Variants in SLC25A53 observed in about 807,000 individuals in gnomAD.
SLC25A53 encodes mitochondrial carrier triple repeat protein 6.
A neutral mutation model predicts 15.0 loss-of-function variants in SLC25A53; 5 were observed. That is an observed-to-expected ratio of 0.33 (90% CI 0.17 to 0.70). SLC25A53 has a LOEUF of 0.70. SLC25A53 is among the 30% of genes least tolerant of loss of function. The pLI is 0.67. For synonymous variants in SLC25A53, 95 were observed against 100.0 expected, an observed-to-expected ratio of 0.95 and a Z score of 0.30; for missense variants, 216 against 241.6, an observed-to-expected ratio of 0.89 and a Z score of 0.70.
intron 1 of SLC25A53, among the ~76,000 whole-genome samples, chrX:104,138,054 C>T (rs981308317): frequency 2.7e-5 from 3 of 111,922 alleles, no homozygotes; most frequent in Admixed American, 9.5e-5. Flanking sequence ...CACACTCACA[C>T]GGTTTTTAGG....
At chrX:104,106,243 A>T (rs2075309306) in intron 1 of SLC25A53, among the ~76,000 whole-genome samples, 1 of 111,547 alleles carries the variant, frequency 9.0e-6, no homozygotes, top group African/African-American at 3.3e-5. Context: ...GCCAGGAAGC[A>T]GATGGCTAGT....
intron 1 of SLC25A53, chrX:104,130,505 C>A (rs1395354957): frequency 2.7e-5 from 3 of 111,209 alleles, no homozygotes; most frequent in Non-Finnish European, 5.7e-5. Flanking sequence ...TTCATATATT[C>A]TCTCGACTCT....
intron 1 of SLC25A53, among the ~76,000 whole-genome samples, chrX:104,107,380 C>A (rs1318397943): frequency 8.9e-6 from 1 of 111,913 alleles, no homozygotes; most frequent in African/African-American, 3.3e-5. Context: ...GCCTCTGACC[C>A]TTTAGCTGAG....
At chrX:104,153,246 G>GTA (rs796336204) in intron 1 of SLC25A53, among the ~76,000 whole-genome samples, 260 of 81,918 alleles carry the variant, frequency 3.2e-3, no homozygotes, top group Admixed American at 4.8e-3. Flanking sequence ...TAGAGTGTGT[G>GTA]TATATATATA....
Position 104,100,321 on chromosome X carries a change from T to G in SLC25A53, c.*4013A>C, listed in dbSNP as rs1219100401. 2 of 111,880 alleles carry G rather than the reference T, an allele frequency of 1.8e-5. No homozygotes were observed. Among genetic ancestry groups the G allele is most frequent in the East Asian group, 5.6e-4 (2 of 3,592 alleles). 9.2% of individuals were successfully genotyped at this position (111,880 alleles called of 1,213,427 possible). A position where few individuals can be genotyped will look rare whatever the true frequency, so the allele number is the denominator to read the frequency against. Reference sequence around the variant, plus strand: ...ATGGCTTTTTATTCTTTTTTTTGACTTTTTATACCAAGTAATTTTAGTGTT... The same window carrying G: ...ATGGCTTTTTATTCTTTTTTTTGACGTTTTATACCAAGTAATTTTAGTGTT... On this transcript the variant is annotated 3_prime_UTR_variant, in exon 2 of 2. Transcript: ENST00000594199.
intron 1 of SLC25A53, among the ~76,000 whole-genome samples, chrX:104,153,885 C>A (rs940772647): frequency 1.8e-5 from 2 of 112,129 alleles, no homozygotes; most frequent in Non-Finnish European, 3.8e-5. Flanking sequence ...GACCATAACA[C>A]TACAAGAAGA....
intron 1 of SLC25A53, among the ~76,000 whole-genome samples, chrX:104,145,518 A>C (rs1556368527): frequency 8.9e-6 from 1 of 111,960 alleles, no homozygotes; most frequent in Non-Finnish European, 1.9e-5. Flanking sequence ...CAATGAACCC[A>C]GGAGCTGGTT....
chrX:104,115,248 G>T (rs1556361025), intron 1 of SLC25A53: 5 of 1,200,857 alleles, frequency 4.2e-6, no homozygotes, highest in Non-Finnish European at 1.1e-6. Context: ...TCATCACCCT[G>T]CAGGAGCTGA....
intron 1 of SLC25A53, among the ~76,000 whole-genome samples, chrX:104,117,862 G>C (rs929838129): frequency 2.9e-4 from 33 of 112,179 alleles, no homozygotes; most frequent in African/African-American, 8.8e-4. Flanking sequence ...GTGAAAAGAG[G>C]AATAAATGCT....
intron 1 of SLC25A53, among the ~76,000 whole-genome samples, chrX:104,155,159 T>TA (rs1556371154): frequency 9.1e-6 from 1 of 110,034 alleles, no homozygotes; most frequent in Non-Finnish European, 1.9e-5. Flanking sequence ...CTAGGGGAGA[T>TA]ATTCTTTTTT....
rs539051426 is a variant in SLC25A53, at chrX:104,103,138, C to CAA, written c.*1194_*1195dup. Reference sequence around the variant, plus strand: ...GGGCAACAAGAGCGAAACTCCGTCTCAAAAAAAAAAAAAAGAAAGGGGCAT... The same window carrying CAA: ...GGGCAACAAGAGCGAAACTCCGTCTCAAAAAAAAAAAAAAAAGAAAGGGGCAT... On this transcript the variant is annotated 3_prime_UTR_variant, in exon 2 of 2. Coordinates refer to ENST00000594199, the MANE Select transcript of SLC25A53 (RefSeq NM_001012755.5). The CAA allele has an allele frequency of 4.2e-3, 302 of 71,469 alleles. 2 individuals carry two copies. Among genetic ancestry groups the CAA allele is most frequent in the African/African-American group, 0.014 (271 of 19,256 alleles). The allele number at this position is 71,469 out of a possible 1,213,427, so 5.9% of individuals were successfully genotyped here.
At chrX:104,125,222 T>C (rs1465756629) in intron 1 of SLC25A53, among the ~76,000 whole-genome samples, 1 of 50,984 alleles carries the variant, frequency 2.0e-5, no homozygotes, top group Non-Finnish European at 4.9e-5. Context: ...TGGTCTGGGG[T>C]GTGTTCTTCG....
In SLC25A53 at chrX:104,107,051, G is replaced by T. The variant is rs1371883897; in HGVS notation, c.-31-1763C>A. Among the ~76,000 whole-genome samples, 7 of 87,059 alleles carry T rather than the reference G, an allele frequency of 8.0e-5. No homozygotes were observed. In the Admixed American group the frequency reaches 1.1e-3, roughly 13 times the overall value. The allele number at this position is 87,059 out of a possible 115,157, so 75.6% of individuals were successfully genotyped here. A position where few individuals can be genotyped will look rare whatever the true frequency, so the allele number is the denominator to read the frequency against. ...CCCACGATCTCATTCTATCCCCCCT[G>T]CTCCATCCATATCCCACAGTCTCAT... On this transcript the variant is annotated intron_variant, in intron 1 of 1. Transcript: ENST00000594199.
At chrX:104,110,987 C>T (rs782597186) in intron 1 of SLC25A53, among the ~76,000 whole-genome samples, 4 of 112,714 alleles carry the variant, frequency 3.5e-5, no homozygotes, top group African/African-American at 9.7e-5. Flanking sequence ...GAAGAATGTA[C>T]GGAGTCCAGA....
intron 1 of SLC25A53, among the ~76,000 whole-genome samples, chrX:104,123,637 C>T (rs1344270136): frequency 9.1e-6 from 1 of 109,900 alleles, no homozygotes; most frequent in Non-Finnish European, 1.9e-5. Context: ...TAGGTATACA[C>T]GTGCCATGGT....
intron 1 of SLC25A53, among the ~76,000 whole-genome samples, chrX:104,151,512 A>G (rs2075484682): frequency 8.9e-6 from 1 of 111,776 alleles, no homozygotes; most frequent in Admixed American, 9.6e-5. Flanking sequence ...CATTCCAAAG[A>G]AAAAACCGAC....
At chrX:104,129,525 C>T (rs1239815887) in intron 1 of SLC25A53, among the ~76,000 whole-genome samples, 1 of 110,418 alleles carries the variant, frequency 9.1e-6, no homozygotes, top group African/African-American at 3.3e-5. Flanking sequence ...ACGAAAAGAA[C>T]ACTTGCTTAC....
At position 104,156,987 on chromosome X, in the gene SLC25A53, A is replaced by G. The variant is rs1356380537; in HGVS notation, c.-141T>C. 9.0e-6 allele frequency: 1 copy of G among 111,106 alleles called. No homozygotes were observed. The highest frequency in any genetic ancestry group is 1.9e-5 in the Non-Finnish European group (1 of 52,992). The allele number at this position is 111,106 out of a possible 1,213,427, so 9.2% of individuals were successfully genotyped here. ...CTTCGCCCATCCGCCGCCCTCACTT[A>G]AGCGACGCACAACGGAGCTCCCACA... On this transcript the variant is annotated 5_prime_UTR_variant, in exon 1 of 2. Transcript: ENST00000594199.
intron 1 of SLC25A53, chrX:104,114,482 CTGAAAGCAGTG>C: frequency 8.3e-7 from 1 of 1,211,730 alleles, no homozygotes; most frequent in Non-Finnish European, 1.1e-6. Flanking sequence ...TTTGGGGAGT[CTGAAAGCAGTG>C]TGACTGCCCA....
Sources: gnomAD v4.1 joint callset for allele counts (sites outside exome capture counted in the v4.1 genomes callset) on GRCh38, gnomAD v4.1.1 for gene constraint, MANE v1.5 for transcripts, NCBI Gene and HGNC (gene_info 2026-07-23, HGNC 2026-07-21) for gene names.